LTBP1: variants seen among roughly 807,000 people sequenced by gnomAD.
LTBP1 encodes latent-transforming growth factor beta-binding protein 1.
In LTBP1, 129 loss-of-function variants were observed where a neutral mutation model predicts 207.6. The observed-to-expected ratio is 0.62, with a 90% CI of 0.54 to 0.72. LTBP1 has a LOEUF of 0.72. LTBP1 is among the 30% of genes least tolerant of loss of function. LTBP1 has a pLI of 0.00. For missense variants in LTBP1, 2,281 were observed against 2,217.2 expected (o/e 1.03, Z -0.58); for synonymous variants, 963 against 833.7 (o/e 1.16, Z -2.67).
rs2093073805 is a variant in LTBP1 at position 33,263,320 on chromosome 2, G to C, written c.2545G>C (p.Val849Leu). Reference sequence around the variant, plus strand: ...AGTGATTGAAAAAACATCACCTCCTGTGCCTGTTGAAGTAGCTCCTGAAGC... The same window carrying C: ...AGTGATTGAAAAAACATCACCTCCTCTGCCTGTTGAAGTAGCTCCTGAAGC... ...PVVIEKTSPP[V>L]PVEVAPEAST... The change falls in exon 15 of 34, where the codon GTG becomes CTG. Residue 849 changes from valine (V) to leucine (L), a missense_variant. Transcript: ENST00000404816. The C allele has an allele frequency of 6.2e-7, 1 of 1,613,584 alleles. No individual in the cohort carries two copies. The highest frequency in any genetic ancestry group is 8.5e-7 in the Non-Finnish European group (1 of 1,179,652).
intron 3 of LTBP1, among the ~76,000 whole-genome samples, chr2:33,042,008 T>G (rs1330615710): frequency 6.6e-6 from 1 of 152,224 alleles, no homozygotes; most frequent in Non-Finnish European, 1.5e-5. Flanking sequence ...CATCAGCACT[T>G]AGTATTGTCA....
rs144867482 is a variant in LTBP1, at chr2:33,365,626, C to CGTGTGTGTGTGTGT, written c.4711+134_4711+147dup. On this transcript the variant is annotated intron_variant, in intron 31 of 33. Coordinates refer to ENST00000404816, the MANE Select transcript of LTBP1 (RefSeq NM_206943.4). ...CACTCCTGATATCTTACTTTCATCC[C>CGTGTGTGTGTGTGT]GTGTGTGTGTGTGTGTGTGTGTGTA... The CGTGTGTGTGTGTGT allele has an allele frequency of 7.7e-4, 547 of 712,004 alleles. 1 individual carries two copies. The African/African-American group carries it at 9.3e-3, about 12-fold the overall frequency. 44.1% of individuals were successfully genotyped at this position (712,004 alleles called of 1,614,324 possible).
chr2:33,220,391 C>G (rs1432800079), intron 8 of LTBP1, among the ~76,000 whole-genome samples: 2 of 152,060 alleles, frequency 1.3e-5, no homozygotes, highest in Non-Finnish European at 2.9e-5. Context: ...TTTTATTTAA[C>G]ATTTGAAGTT....
chr2:33,112,053 C>T (rs1394011553), intron 4 of LTBP1, among the ~76,000 whole-genome samples: 1 of 151,888 alleles, frequency 6.6e-6, no homozygotes, highest in Non-Finnish European at 1.5e-5. Flanking sequence ...TTCTTATTTC[C>T]TTGGGGTTTT....
At chr2:33,083,619 C>G (rs2078570507) in intron 3 of LTBP1, among the ~76,000 whole-genome samples, 1 of 152,158 alleles carries the variant, frequency 6.6e-6, no homozygotes, top group African/African-American at 2.4e-5. Context: ...AGGTCCTTAA[C>G]TTAGAGAACA....
rs773675297 is a variant in LTBP1 at position 33,258,620 on chromosome 2, A to T, written c.2396-968A>T. Among the ~76,000 whole-genome samples, 13 of 152,270 alleles carry T rather than the reference A, an allele frequency of 8.5e-5. No individual in the cohort carries two copies. The East Asian group carries it at 2.5e-3, about 29-fold the overall frequency. ...TTAGTATCATGACCAGATGTTTGCA[A>T]CTGTTCATTGTTTGCACAGGCAGGA... is the stretch of plus-strand genomic sequence containing the variant. On this transcript the variant is annotated intron_variant, in intron 12 of 33. Coordinates refer to ENST00000404816, the MANE Select transcript of LTBP1 (RefSeq NM_206943.4).
chr2:33,178,363 C>T (rs192602286), intron 5 of LTBP1, among the ~76,000 whole-genome samples: 3 of 152,272 alleles, frequency 2.0e-5, no homozygotes, highest in African/African-American at 7.2e-5. Flanking sequence ...AGATAGCGCA[C>T]AGCAATGGCG....
In LTBP1 at chr2:33,086,890, TA is replaced by T. The variant is rs1425818358; in HGVS notation, c.864-23691del. 3.9e-5 allele frequency among the ~76,000 whole-genome samples: 6 copies of T among 152,136 alleles called. No homozygotes were observed. In the East Asian group the frequency reaches 9.7e-4, roughly 24 times the overall value. ...TTGTCTTTTTATTTATATATTTATT[TA>T]TTTTTTTTGGTGGAAGAATATCCCC... On this transcript the variant is annotated intron_variant, in intron 3 of 33. Transcript: ENST00000404816.
At chr2:32,994,502 T>C (rs1220914088) in intron 2 of LTBP1, among the ~76,000 whole-genome samples, 1 of 152,000 alleles carries the variant, frequency 6.6e-6, no homozygotes, top group Non-Finnish European at 1.5e-5. Flanking sequence ...GTTTCGCTCT[T>C]GTTGCCCAGG....
At chr2:33,278,869 TA>T (rs2093500558) in intron 18 of LTBP1, among the ~76,000 whole-genome samples, 1 of 152,162 alleles carries the variant, frequency 6.6e-6, no homozygotes, top group Non-Finnish European at 1.5e-5. Context: ...TTTTTACTGA[TA>T]GAAAAAAAAT....
chr2:33,265,292 TA>T (rs1287893381), intron 15 of LTBP1, among the ~76,000 whole-genome samples: 1 of 152,194 alleles, frequency 6.6e-6, no homozygotes, highest in East Asian at 1.9e-4. Flanking sequence ...GCAATATGTA[TA>T]AAAAACTTCA....
intron 31 of LTBP1, among the ~76,000 whole-genome samples, chr2:33,378,929 C>CAT (rs1274013630): frequency 6.6e-6 from 1 of 152,182 alleles, no homozygotes; most frequent in Admixed American, 6.5e-5. Flanking sequence ...TGACCAGGTT[C>CAT]TTGTATTTAC....
Position 33,137,263 on chromosome 2 carries a change from A to G in LTBP1, c.1201+2303A>G, listed in dbSNP as rs201454991. Among the ~76,000 whole-genome samples the G allele has an allele frequency of 8.5e-5, 13 of 152,296 alleles. No homozygotes were observed. The East Asian group carries it at 2.5e-3, about 29-fold the overall frequency. On this transcript the variant is annotated intron_variant, in intron 5 of 33. Transcript: ENST00000404816. ...TTCTTCTCTCTTTGTACTTGTTTAT[A>G]GAATACTAAATCTTTTGACAAAAAA... is the stretch of plus-strand genomic sequence containing the variant.
At chr2:33,390,514 G>A (rs371143595) in intron 32 of LTBP1, among the ~76,000 whole-genome samples, 1 of 151,110 alleles carries the variant, frequency 6.6e-6, no homozygotes, top group South Asian at 2.1e-4. Context: ...TTTGAGATAG[G>A]GTCTCGCTCT....
Position 33,188,679 on chromosome 2 carries a change from A to T in LTBP1, c.1529A>T (p.Lys510Met), listed in dbSNP as rs374101802. The change falls in exon 7 of 34, where the codon AAG (lysine) becomes ATG (methionine). Residue 510 changes from lysine to methionine, a missense_variant. Transcript: ENST00000404816. Reference sequence around the variant, plus strand: ...AGAATTGATGGCCCAACAGGCCAGAAGACAAAAGAAGCTCAACCAGGCCAA... The same window carrying T: ...AGAATTGATGGCCCAACAGGCCAGATGACAAAAGAAGCTCAACCAGGCCAA... ...VSRIDGPTGQ[K>M]TKEAQPGQSQ... is the part of the protein sequence containing the mutation. 20 of 1,614,186 alleles carry T rather than the reference A, an allele frequency of 1.2e-5. No individual in the cohort carries two copies. The highest frequency in any genetic ancestry group is 1.4e-5 in the Non-Finnish European group (16 of 1,180,030).
intron 2 of LTBP1, among the ~76,000 whole-genome samples, chr2:32,986,200 C>T (rs1683541743): frequency 1.3e-5 from 2 of 152,244 alleles, no homozygotes; most frequent in South Asian, 4.1e-4. Context: ...GAAATCCGGG[C>T]TCTTAGCAGC....
chr2:33,029,247 C>T (rs2075576621), intron 3 of LTBP1, among the ~76,000 whole-genome samples: 2 of 152,116 alleles, frequency 1.3e-5, no homozygotes, highest in Admixed American at 1.3e-4. Context: ...GAGGCTGAGG[C>T]AGGTGGATCA....
intron 9 of LTBP1, among the ~76,000 whole-genome samples, chr2:33,229,783 G>T (rs1447704668): frequency 6.6e-6 from 1 of 152,116 alleles, no homozygotes; most frequent in Non-Finnish European, 1.5e-5. Flanking sequence ...ATTCGCTGAT[G>T]GTCTACTGGT....
intron 22 of LTBP1, among the ~76,000 whole-genome samples, chr2:33,307,501 C>G (rs2094117071): frequency 6.6e-6 from 1 of 152,080 alleles, no homozygotes; most frequent in African/African-American, 2.4e-5. Context: ...GGGTGAATCT[C>G]AAAACTATTA....
Sources: allele counts gnomAD v4.1 joint callset (sites outside exome capture counted in the v4.1 genomes callset), GRCh38; gene constraint gnomAD v4.1.1; transcripts MANE v1.5; gene names NCBI Gene and HGNC (gene_info 2026-07-23, HGNC 2026-07-21).